The following THSD7B variants were observed in gnomAD, a reference collection of about 807,000 sequenced individuals.
THSD7B encodes thrombospondin type-1 domain-containing protein 7B.
THSD7B carries 138 observed loss-of-function variants against 213.6 expected under a neutral mutation model. The ratio of observed to expected loss-of-function variants is 0.65; its 90% CI spans 0.56 to 0.74. THSD7B has a LOEUF of 0.74. Among genes scored for constraint, THSD7B ranks in the 30% least tolerant of loss-of-function variants. The probability of loss-of-function intolerance (pLI) is 0.00; values close to 1 mark genes in which losing one functional copy is unlikely to be tolerated. For missense variants in THSD7B, 1,931 were observed against 1,991.5 expected, an observed-to-expected ratio of 0.97 and a Z score of 0.58; for synonymous variants, 742 against 687.0, an observed-to-expected ratio of 1.08 and a Z score of -1.25.
chr2:136,964,329 G>A (rs58647754), intron 2 of THSD7B, among the ~76,000 whole-genome samples: 4,250 of 152,204 alleles, frequency 0.028, 201 homozygotes, highest in African/African-American at 0.096. Flanking sequence ...AGAGGCTGAG[G>A]CAGGAGGATT....
chr2:137,047,290 C>T lies in THSD7B; in HGVS notation c.140-9130C>T, dbSNP rs182844961. Among the ~76,000 whole-genome samples the T allele has an allele frequency of 7.3e-4, 111 of 152,240 alleles. 1 individual carries two copies. Among genetic ancestry groups the T allele is most frequent in the African/African-American group, 2.6e-3 (110 of 41,540 alleles). Reference sequence around the variant, plus strand: ...GTGATTGAATCTGATCTTTGTAAACCTTCCTGAAAGTCTTCAGCATACCCA... The same window carrying T: ...GTGATTGAATCTGATCTTTGTAAACTTTCCTGAAAGTCTTCAGCATACCCA... On this transcript the variant is annotated intron_variant, in intron 2 of 27. Transcript: ENST00000409968.
At chr2:137,053,710 T>C (rs1010072610) in intron 2 of THSD7B, among the ~76,000 whole-genome samples, 5 of 152,162 alleles carry the variant, frequency 3.3e-5, no homozygotes, top group Non-Finnish European at 7.4e-5. Context: ...ACTTTTCTGA[T>C]CTTACTTTCA....
intron 2 of THSD7B, among the ~76,000 whole-genome samples, chr2:136,914,130 TG>T (rs1684313360): frequency 6.6e-6 from 1 of 152,206 alleles, no homozygotes; most frequent in African/African-American, 2.4e-5. Context: ...ATGTGAGACC[TG>T]GAGTCAAAGG....
At chr2:137,622,513 C>G (rs1682539691) in intron 20 of THSD7B, among the ~76,000 whole-genome samples, 2 of 151,870 alleles carry the variant, frequency 1.3e-5, no homozygotes, top group South Asian at 2.1e-4. Flanking sequence ...CAAAGAAAAC[C>G]CTTCAAAAAA....
At chr2:136,967,341 C>G (rs1685337608) in intron 2 of THSD7B, among the ~76,000 whole-genome samples, 1 of 152,124 alleles carries the variant, frequency 6.6e-6, no homozygotes, top group Non-Finnish European at 1.5e-5. Flanking sequence ...CTACCAATCA[C>G]CTGAATAAAA....
intron 15 of THSD7B, among the ~76,000 whole-genome samples, chr2:137,495,691 C>T (rs1048233883): frequency 7.9e-5 from 12 of 152,120 alleles, no homozygotes; most frequent in African/African-American, 2.9e-4. Flanking sequence ...CTCCAAATTC[C>T]CCCTTATCCC....
intron 1 of THSD7B, among the ~76,000 whole-genome samples, chr2:136,805,704 G>A (rs1682269008): frequency 6.6e-6 from 1 of 152,222 alleles, no homozygotes; most frequent in Admixed American, 6.5e-5. Context: ...GGCTAGTAGG[G>A]GAGGGGCTGG....
In THSD7B at chr2:137,346,493, TCTCTCC is replaced by T. The variant is rs200802107; in HGVS notation, c.2501-59106_2501-59101del. 1.5e-3 allele frequency among the ~76,000 whole-genome samples: 232 copies of T among 150,630 alleles called. 2 individuals carry two copies. The highest frequency in any genetic ancestry group is 5.1e-3 in the African/African-American group (206 of 40,746). ...TAATATTCCATTCTCTCTCTCTCTC[TCTCTCC>T]CTCTCCCTCTCCCCAACATGCCCTT... On this transcript the variant is annotated intron_variant, in intron 12 of 27. Transcript: ENST00000409968.
chr2:136,865,971 C>G (rs2104976659), intron 1 of THSD7B, among the ~76,000 whole-genome samples: 1 of 152,246 alleles, frequency 6.6e-6, no homozygotes, highest in Non-Finnish European at 1.5e-5. Context: ...TGACAAATGA[C>G]CTGTAAGATG....
chr2:137,472,441 G>C (rs1285258346), intron 15 of THSD7B, among the ~76,000 whole-genome samples: 1 of 152,044 alleles, frequency 6.6e-6, no homozygotes, highest in Non-Finnish European at 1.5e-5. Context: ...ATTTAAAATA[G>C]TTAAAACTAA....
chr2:137,481,394 T>A (rs887752028), intron 15 of THSD7B, among the ~76,000 whole-genome samples: 1 of 152,246 alleles, frequency 6.6e-6, no homozygotes, highest in Non-Finnish European at 1.5e-5. Context: ...GTCTGGGCAT[T>A]AGATAAGGTT....
chr2:137,640,285 C>T (rs1423242489), intron 20 of THSD7B, among the ~76,000 whole-genome samples: 1 of 152,144 alleles, frequency 6.6e-6, no homozygotes, highest in East Asian at 1.9e-4. Context: ...CTCTTACCAC[C>T]ACCATGTAAG....
At chr2:136,813,642 AT>A (rs34321753) in intron 1 of THSD7B, among the ~76,000 whole-genome samples, 43,150 of 150,776 alleles carry the variant, frequency 0.29, 7,041 homozygotes, top group Non-Finnish European at 0.37. Flanking sequence ...CTATTCTATC[AT>A]TTTTTTTTTC....
intron 17 of THSD7B, among the ~76,000 whole-genome samples, chr2:137,578,635 A>C (rs1681511867): frequency 6.6e-6 from 1 of 152,158 alleles, no homozygotes; most frequent in African/African-American, 2.4e-5. Flanking sequence ...AACATACTTC[A>C]ACACATTCGA....
chr2:136,802,162 T>G (rs1682195139), intron 1 of THSD7B, among the ~76,000 whole-genome samples: 1 of 152,064 alleles, frequency 6.6e-6, no homozygotes, highest in South Asian at 2.1e-4. Context: ...GAAAACACTT[T>G]AAATATAAGG....
intron 14 of THSD7B, among the ~76,000 whole-genome samples, chr2:137,450,287 C>T (rs995562337): frequency 6.6e-6 from 1 of 152,192 alleles, no homozygotes; most frequent in Non-Finnish European, 1.5e-5. Context: ...CAACCCACAT[C>T]TCTTGATTTC....
At chr2:137,576,797 C>A (rs902374505) in intron 17 of THSD7B, among the ~76,000 whole-genome samples, 2 of 111,712 alleles carry the variant, frequency 1.8e-5, no homozygotes, top group Non-Finnish European at 3.5e-5. Flanking sequence ...AGAAAAACAC[C>A]CCCCCCCCTT....
rs187822393 is a variant in THSD7B, at chr2:137,073,019, A to C, written c.950+15789A>C. Among the ~76,000 whole-genome samples, 114 of 152,244 alleles carry C rather than the reference A, an allele frequency of 7.5e-4. 3 individuals carry two copies. The East Asian group carries it at 0.02, about 27-fold the overall frequency. ...GATTCAGTTTGCCAGTATTTTATTG[A>C]GGATTTTTGCATCAATGTTCATCAA... is the stretch of plus-strand genomic sequence containing the variant. On this transcript the variant is annotated intron_variant, in intron 3 of 27. Coordinates refer to ENST00000409968, the MANE Select transcript of THSD7B (RefSeq NM_001316349.2).
In THSD7B at chr2:137,549,308, C is replaced by CTTTTT. The variant is rs1680797969; in HGVS notation, c.3139-13912_3139-13911insTTTTT. On this transcript the variant is annotated intron_variant, in intron 15 of 27. Transcript: ENST00000409968. The stretch of plus-strand genomic sequence containing the variant: ...GCAGACATGTCTTTTTTTTCAGATG[C>CTTTTT]TCTTTTTTTTTTTTTTTTTTTTTTT... Among the ~76,000 whole-genome samples the CTTTTT allele has an allele frequency of 2.0e-5, 2 of 100,178 alleles. 1 individual carries two copies. Among genetic ancestry groups the CTTTTT allele is most frequent in the Non-Finnish European group, 3.8e-5 (2 of 52,594 alleles). 65.7% of individuals were successfully genotyped at this position (100,178 alleles called of 152,430 possible). A position where few individuals can be genotyped will look rare whatever the true frequency, so the allele number is the denominator to read the frequency against.
Sources: gnomAD v4.1 joint callset for allele counts (sites outside exome capture counted in the v4.1 genomes callset) on GRCh38, gnomAD v4.1.1 for gene constraint, MANE v1.5 for transcripts, NCBI Gene and HGNC (gene_info 2026-07-23, HGNC 2026-07-21) for gene names.